Variants in ERC2 observed in about 807,000 individuals in gnomAD.
The protein encoded by ERC2 is ERC protein 2.
ERC2 carries 42 observed loss-of-function variants against 114.8 expected under a neutral mutation model. The ratio of observed to expected loss-of-function variants is 0.37; its 90% CI spans 0.29 to 0.47. The LOEUF is 0.47. ERC2 is among the 20% of genes least tolerant of loss of function. ERC2 has a pLI of 0.99. For missense variants in ERC2, 939 were observed against 1,150.7 expected (o/e 0.82, Z 2.66); for synonymous variants, 454 against 425.5 (o/e 1.07, Z -0.82).
chr3:56,461,006 T>G (rs2063294117), intron 1 of ERC2, among the ~76,000 whole-genome samples: 1 of 151,826 alleles, frequency 6.6e-6, no homozygotes, highest in South Asian at 2.1e-4. Flanking sequence ...AGGCTTTTTT[T>G]TTTTTTTTAA....
chr3:56,371,318 A>C (rs2059355315), intron 2 of ERC2, among the ~76,000 whole-genome samples: 1 of 152,182 alleles, frequency 6.6e-6, no homozygotes, highest in Admixed American at 6.5e-5. Context: ...CTAGAAAAGG[A>C]AGCCAAATAC....
intron 14 of ERC2, among the ~76,000 whole-genome samples, chr3:55,790,293 C>A (rs553817891): frequency 6.6e-6 from 1 of 152,224 alleles, no homozygotes; most frequent in Admixed American, 6.5e-5. Flanking sequence ...TGCTTCCTTG[C>A]AGGTGTTAGG....
At chr3:55,531,621 G>A (rs1015269289) in intron 17 of ERC2, among the ~76,000 whole-genome samples, 1 of 152,166 alleles carries the variant, frequency 6.6e-6, no homozygotes, top group African/African-American at 2.4e-5. Flanking sequence ...ATAACCACAT[G>A]CACAAATCAC....
intron 3 of ERC2, among the ~76,000 whole-genome samples, chr3:56,254,620 A>G (rs1018441031): frequency 4.6e-5 from 7 of 152,180 alleles, no homozygotes; most frequent in Non-Finnish European, 7.3e-5. Flanking sequence ...CTGTGCTCTT[A>G]TTATGTATGT....
Position 56,221,158 on chromosome 3 carries a change from T to A in ERC2, c.1075-47638A>T, listed in dbSNP as rs376918694. ...AAAATCTATAATCTAATTTGAAAAT[T>A]GAAAATTTTCAAATTAGATTATAGA... is the stretch of plus-strand genomic sequence containing the variant. On this transcript the variant is annotated intron_variant, in intron 3 of 17. Coordinates refer to ENST00000288221, the MANE Select transcript of ERC2 (RefSeq NM_015576.3). Among the ~76,000 whole-genome samples, 17 of 152,016 alleles carry A rather than the reference T, an allele frequency of 1.1e-4. No homozygotes were observed. In the South Asian group the frequency reaches 3.5e-3, roughly 32 times the overall value.
At chr3:56,283,857 A>G (rs965081455) in intron 3 of ERC2, among the ~76,000 whole-genome samples, 2 of 152,232 alleles carry the variant, frequency 1.3e-5, no homozygotes, top group Admixed American at 1.3e-4. Context: ...AGTGGCAGCT[A>G]ATCTCCTTAA....
intron 6 of ERC2, among the ~76,000 whole-genome samples, chr3:56,081,358 T>C (rs1187475297): frequency 6.6e-6 from 1 of 152,170 alleles, no homozygotes; most frequent in Non-Finnish European, 1.5e-5. Flanking sequence ...GCTCAAGCTT[T>C]GCAGCATCGT....
chr3:56,060,604 T>A (rs2076206299), intron 7 of ERC2, among the ~76,000 whole-genome samples: 1 of 152,224 alleles, frequency 6.6e-6, no homozygotes, highest in African/African-American at 2.4e-5. Flanking sequence ...ACGGTGGCAG[T>A]GACCACAACA....
chr3:56,378,426 TG>T (rs2059627483), intron 2 of ERC2, among the ~76,000 whole-genome samples: 2 of 74,080 alleles, frequency 2.7e-5, no homozygotes, highest in Non-Finnish European at 5.0e-5. Context: ...TGTTGTGGGG[TG>T]GGGGGAGGGG....
At chr3:55,545,582 G>A (rs1353394354) in intron 17 of ERC2, among the ~76,000 whole-genome samples, 1 of 152,176 alleles carries the variant, frequency 6.6e-6, no homozygotes, top group Admixed American at 6.5e-5. Context: ...ACTCTTAGGG[G>A]TAATCTGCTT....
At chr3:55,963,078 T>C (rs931043465) in intron 12 of ERC2, among the ~76,000 whole-genome samples, 5 of 152,136 alleles carry the variant, frequency 3.3e-5, no homozygotes, top group African/African-American at 1.2e-4. Flanking sequence ...GGATGGAAGG[T>C]GAGAGCTCAG....
At chr3:56,252,190 T>C (rs1287149558) in intron 3 of ERC2, among the ~76,000 whole-genome samples, 3 of 152,218 alleles carry the variant, frequency 2.0e-5, no homozygotes, top group Non-Finnish European at 4.4e-5. Context: ...AGTTAAAATA[T>C]TGATTTTAAA....
At chr3:56,367,064 T>C (rs368792488) in intron 2 of ERC2, among the ~76,000 whole-genome samples, 3 of 152,278 alleles carry the variant, frequency 2.0e-5, no homozygotes, top group African/African-American at 7.2e-5. Context: ...TATATGTAAG[T>C]CTAATTCTTC....
intron 14 of ERC2, among the ~76,000 whole-genome samples, chr3:55,827,816 A>G (rs1345244462): frequency 6.6e-6 from 1 of 152,250 alleles, no homozygotes; most frequent in South Asian, 2.1e-4. Context: ...CAGTAACTGT[A>G]TGACTAGTAA....
At chr3:55,908,207 TG>T (rs1470150659) in intron 13 of ERC2, among the ~76,000 whole-genome samples, 1 of 152,172 alleles carries the variant, frequency 6.6e-6, no homozygotes, top group Non-Finnish European at 1.5e-5. Context: ...CAAACATATC[TG>T]AATTTTCCTG....
intron 14 of ERC2, among the ~76,000 whole-genome samples, chr3:55,841,242 G>A (rs1178867081): frequency 6.6e-6 from 1 of 152,108 alleles, no homozygotes; most frequent in Non-Finnish European, 1.5e-5. Context: ...TAATTCCCAT[G>A]CGTTCCATGT....
At chr3:55,868,559 T>C (rs893576964) in intron 14 of ERC2, among the ~76,000 whole-genome samples, 1 of 152,226 alleles carries the variant, frequency 6.6e-6, no homozygotes, top group Non-Finnish European at 1.5e-5. Context: ...GTGAAGCCCC[T>C]GTTCTGTGGA....
intron 10 of ERC2, among the ~76,000 whole-genome samples, chr3:55,999,235 A>G (rs1430357209): frequency 6.6e-6 from 1 of 152,094 alleles, no homozygotes; most frequent in East Asian, 1.9e-4. Flanking sequence ...ATAAGACAAA[A>G]CTCCAGGAGT....
intron 10 of ERC2, among the ~76,000 whole-genome samples, chr3:56,003,625 A>G (rs1404960199): frequency 6.6e-6 from 1 of 152,136 alleles, no homozygotes; most frequent in Non-Finnish European, 1.5e-5. Context: ...AATACAGATC[A>G]GCAAACAGCA....
Sources: gnomAD v4.1 joint callset for allele counts (sites outside exome capture counted in the v4.1 genomes callset) on GRCh38, gnomAD v4.1.1 for gene constraint, MANE v1.5 for transcripts, NCBI Gene and HGNC (gene_info 2026-07-23, HGNC 2026-07-21) for gene names.